BARD1: variants seen among roughly 807,000 people sequenced by gnomAD.
BARD1 encodes BRCA1-associated RING domain protein 1.
A neutral mutation model predicts 77.0 loss-of-function variants in BARD1; 73 were observed. That is an observed-to-expected ratio of 0.95 (90% CI 0.79 to 1.15). BARD1 has a LOEUF of 1.15. Among genes scored for constraint, BARD1 ranks in the 50% most tolerant of loss-of-function variants. BARD1 has a pLI of 0.00. For synonymous variants in BARD1, 384 were observed against 338.0 expected (o/e 1.14, Z -1.49); for missense variants, 993 against 938.8 (o/e 1.06, Z -0.75).
At chr2:214,799,833 T>TA (rs1695935635) in intron 1 of BARD1, among the ~76,000 whole-genome samples, 1 of 152,190 alleles carries the variant, frequency 6.6e-6, no homozygotes. Flanking sequence ...CTCACCTTCC[T>TA]AGCTTTAACT....
At chr2:214,786,522 A>C (rs1695284804) in intron 3 of BARD1, among the ~76,000 whole-genome samples, 1 of 152,048 alleles carries the variant, frequency 6.6e-6, no homozygotes, top group Non-Finnish European at 1.5e-5. Context: ...CTTCAAAAAT[A>C]TATTTACCTG....
intron 9 of BARD1, among the ~76,000 whole-genome samples, chr2:214,739,987 T>C (rs1692742748): frequency 6.6e-6 from 1 of 152,064 alleles, no homozygotes; most frequent in Non-Finnish European, 1.5e-5. Flanking sequence ...TTCTAAGACC[T>C]TGTATTATGC....
At chr2:214,762,667 C>A (rs1036758389) in intron 6 of BARD1, among the ~76,000 whole-genome samples, 1 of 152,098 alleles carries the variant, frequency 6.6e-6, no homozygotes, top group Non-Finnish European at 1.5e-5. Context: ...GAATAACACA[C>A]GACATAAAGT....
At chr2:214,770,007 C>T (rs916792821) in intron 4 of BARD1, among the ~76,000 whole-genome samples, 3 of 152,092 alleles carry the variant, frequency 2.0e-5, no homozygotes, top group African/African-American at 7.2e-5. Flanking sequence ...CTGTTTAGCC[C>T]AGAAGACTAC....
At chr2:214,731,031 A>G (rs1324947243) in intron 9 of BARD1, 4 of 387,560 alleles carry the variant, frequency 1.0e-5, no homozygotes, top group South Asian at 2.0e-5. Context: ...ACAGGGGTTC[A>G]ACAGCGCTTC....
intron 6 of BARD1, among the ~76,000 whole-genome samples, chr2:214,753,996 CAT>C (rs1693579552): frequency 6.6e-6 from 1 of 152,120 alleles, no homozygotes; most frequent in African/African-American, 2.4e-5. Flanking sequence ...CAAAGTGACA[CAT>C]GTCACAGTAT....
At chr2:214,797,194 G>T in intron 1 of BARD1, 77 bp from the exon 2 acceptor site, 1 of 1,110,304 alleles carries the variant, frequency 9.0e-7, no homozygotes, top group Non-Finnish European at 1.4e-6. Flanking sequence ...TTCATCCAAG[G>T]CCCAACACTA....
In BARD1 at chr2:214,781,206, T is replaced by C. The variant is rs145009419; in HGVS notation, c.668A>G (p.Glu223Gly). The C allele has an allele frequency of 1.9e-4, 304 of 1,591,834 alleles. No individual in the cohort carries two copies. Among genetic ancestry groups the C allele is most frequent in the Non-Finnish European group, 2.4e-4 (284 of 1,174,556 alleles). The change falls in exon 4 of 11, where the codon GAA (glutamate) becomes GGA (glycine). Residue 223 changes from glutamate (E) to glycine (G), a missense_variant. Physicochemically the swap from Glu to Gly is moderately conservative, Grantham distance 98. Transcript: ENST00000260947. The part of the protein sequence containing the change: ...EINQKWNLEA[E>G]KEDGEFDSKE... Reference sequence around the variant, plus strand: ...GGAGTCAAATTCACCATCTTCTTTTTCTGCCTCTAAATTCCATTTTTGGTT... The same window carrying C: ...GGAGTCAAATTCACCATCTTCTTTTCCTGCCTCTAAATTCCATTTTTGGTT...
intron 4 of BARD1, among the ~76,000 whole-genome samples, chr2:214,777,149 T>A (rs1330589022): frequency 6.6e-6 from 1 of 152,106 alleles, no homozygotes; most frequent in Non-Finnish European, 1.5e-5. Flanking sequence ...TACAGAACTG[T>A]AAGAAAATTA....
intron 4 of BARD1, among the ~76,000 whole-genome samples, chr2:214,776,482 C>G (rs996776113): frequency 5.3e-5 from 8 of 152,094 alleles, no homozygotes; most frequent in African/African-American, 1.9e-4. Flanking sequence ...ATAGCTGATG[C>G]AGACATTCAA....
At chr2:214,745,183 G>A in intron 8 of BARD1, 24 bp from the exon 9 acceptor site, 2 of 1,587,970 alleles carry the variant, frequency 1.3e-6, no homozygotes, top group Non-Finnish European at 8.6e-7. Context: ...AAAGCAGTAA[G>A]AGAAAGAAAG....
intron 6 of BARD1, among the ~76,000 whole-genome samples, chr2:214,762,228 TATAAA>T (rs1267508051): frequency 2.6e-5 from 4 of 151,904 alleles, no homozygotes; most frequent in African/African-American, 9.7e-5. Flanking sequence ...AGGCTATGTG[TATAAA>T]ATGTTTATGA....
chr2:214,780,184 CTTT>C (rs2106106628), intron 4 of BARD1, among the ~76,000 whole-genome samples: 1 of 152,236 alleles, frequency 6.6e-6, no homozygotes, highest in East Asian at 1.9e-4. Context: ...TAAATATGGG[CTTT>C]TTTACTAAGT....
Position 214,756,030 on chromosome 2 carries a change from T to C in BARD1, c.1569-3475A>G, listed in dbSNP as rs553555431. Among the ~76,000 whole-genome samples the C allele has an allele frequency of 9.3e-4, 142 of 152,300 alleles. 1 individual carries two copies. Among genetic ancestry groups the C allele is most frequent in the African/African-American group, 3.2e-3 (131 of 41,570 alleles). ...AACGGACAGTCGCGAATTCAGTGAA[T>C]TGAAAATGATTATATGTAGATAATA... On this transcript the variant is annotated intron_variant, in intron 6 of 10. Transcript: ENST00000260947.
At chr2:214,771,005 T>C (rs898575890) in intron 4 of BARD1, among the ~76,000 whole-genome samples, 4 of 152,206 alleles carry the variant, frequency 2.6e-5, no homozygotes. Flanking sequence ...TAAAAATCTC[T>C]AGCTGTAATA....
intron 6 of BARD1, among the ~76,000 whole-genome samples, chr2:214,767,255 G>T (rs546781917): frequency 6.6e-6 from 1 of 152,190 alleles, no homozygotes; most frequent in African/African-American, 2.4e-5. Flanking sequence ...TTGATCTGCA[G>T]TTGGCTGAAT....
chr2:214,743,260 C>T (rs1692931445), intron 9 of BARD1, among the ~76,000 whole-genome samples: 1 of 152,180 alleles, frequency 6.6e-6, no homozygotes, highest in Non-Finnish European at 1.5e-5. Context: ...CTTCTAACTA[C>T]AGATTAAATT....
chr2:214,808,612 T>C (rs1696392218), intron 1 of BARD1, among the ~76,000 whole-genome samples: 1 of 152,206 alleles, frequency 6.6e-6, no homozygotes, highest in Non-Finnish European at 1.5e-5. Flanking sequence ...AAAAATGCTT[T>C]TCAGAAGAAA....
At chr2:214,775,416 T>C (rs1384718167) in intron 4 of BARD1, among the ~76,000 whole-genome samples, 1 of 152,096 alleles carries the variant, frequency 6.6e-6, no homozygotes, top group Admixed American at 6.6e-5. Flanking sequence ...GAAAAGACAT[T>C]TATCAATTAA....
Sources: allele counts gnomAD v4.1 joint callset (sites outside exome capture counted in the v4.1 genomes callset), GRCh38; gene constraint gnomAD v4.1.1; transcripts MANE v1.5; gene names NCBI Gene and HGNC (gene_info 2026-07-23, HGNC 2026-07-21).